Variants in GPHN observed in about 807,000 individuals in gnomAD.
GPHN encodes gephyrin.
A neutral mutation model predicts 95.5 loss-of-function variants in GPHN; 17 were observed. That is an observed-to-expected ratio of 0.18 (90% CI 0.12 to 0.27). GPHN has a LOEUF of 0.27. Among genes scored for constraint, GPHN ranks in the 10% least tolerant of loss-of-function variants. The probability of loss-of-function intolerance (pLI) is 1.00; values close to 1 mark genes in which losing one functional copy is unlikely to be tolerated. For synonymous variants in GPHN, 320 were observed against 322.5 expected (o/e 0.99, Z 0.08); for missense variants, 660 against 978.1 (o/e 0.67, Z 4.34).
chr14:67,204,470 T>A, the GPHN span: 83 of 1,469,082 alleles, frequency 5.6e-5, 1 homozygote, highest in South Asian at 1.2e-3. Flanking sequence ...TATATATATA[T>A]AAGAAAGGCC....
chr14:66,508,515 T>A lies in GPHN; in HGVS notation c.-13T>A. On this transcript the variant is annotated 5_prime_UTR_variant, in exon 1 of 23. Transcript: ENST00000478722. Reference sequence around the variant, plus strand: ...TCCCGGCTCCTGTCAGTGCGGTGACTGCGCTGGGAAACATGGCGACCGAGG... The same window carrying A: ...TCCCGGCTCCTGTCAGTGCGGTGACAGCGCTGGGAAACATGGCGACCGAGG... The A allele has an allele frequency of 3.7e-6, 6 of 1,613,666 alleles. No homozygotes were observed. The highest frequency in any genetic ancestry group is 5.1e-6 in the Non-Finnish European group (6 of 1,179,610).
At chr14:66,741,931 G>A (rs914017731) in intron 2 of GPHN, among the ~76,000 whole-genome samples, 3 of 152,108 alleles carry the variant, frequency 2.0e-5, no homozygotes, top group South Asian at 2.1e-4. Flanking sequence ...CCACCTTACT[G>A]TCCTTTCTCC....
the GPHN span, among the ~76,000 whole-genome samples, chr14:67,239,656 G>A: frequency 1.3e-5 from 2 of 152,194 alleles, no homozygotes; most frequent in Non-Finnish European, 1.5e-5. Context: ...AGGTGTTCAA[G>A]ACCAGCTTGG....
At chr14:66,778,699 T>C (rs151322444) in intron 3 of GPHN, among the ~76,000 whole-genome samples, 61 of 150,804 alleles carry the variant, frequency 4.0e-4, no homozygotes, top group African/African-American at 1.3e-3. Flanking sequence ...AATAATTATT[T>C]AATTCTATGA....
the GPHN span, among the ~76,000 whole-genome samples, chr14:67,528,934 T>G: frequency 6.6e-6 from 1 of 152,000 alleles, no homozygotes; most frequent in African/African-American, 2.4e-5. Flanking sequence ...AGACATGAGG[T>G]TAGATTTGGA....
At chr14:67,400,755 A>G in the GPHN span, among the ~76,000 whole-genome samples, 1 of 152,162 alleles carries the variant, frequency 6.6e-6, no homozygotes, top group Non-Finnish European at 1.5e-5. Context: ...CGGGAGGCCA[A>G]GGTAGGAGGA....
the GPHN span, chr14:67,270,736 TAGG>T: frequency 6.6e-6 from 1 of 152,146 alleles, no homozygotes; most frequent in Non-Finnish European, 1.5e-5. Context: ...GCTAAAACTA[TAGG>T]ATACAGTATA....
chr14:67,134,172 A>C (rs1478235604), intron 17 of GPHN, among the ~76,000 whole-genome samples: 2 of 152,192 alleles, frequency 1.3e-5, no homozygotes, highest in Non-Finnish European at 2.9e-5. Flanking sequence ...ATCTGCAACA[A>C]CTTAGCTGTT....
chr14:67,583,898 AGGTCTTGC>A, the GPHN span: 2 of 1,612,604 alleles, frequency 1.2e-6, no homozygotes, highest in South Asian at 2.2e-5. Flanking sequence ...GTAGGCTACA[AGGTCTTGC>A]AGCAAGTCAC....
At chr14:66,974,729 G>T (rs190716458) in intron 9 of GPHN, among the ~76,000 whole-genome samples, 68 of 152,128 alleles carry the variant, frequency 4.5e-4, no homozygotes, top group Middle Eastern at 3.4e-3. Context: ...AATAACCACT[G>T]TTAAAATTTT....
intron 2 of GPHN, among the ~76,000 whole-genome samples, chr14:66,766,293 G>A (rs1384086710): frequency 1.3e-5 from 2 of 152,164 alleles, no homozygotes; most frequent in Non-Finnish European, 2.9e-5. Flanking sequence ...TTCAGGAGGT[G>A]CATGGGACTA....
At chr14:67,646,276 T>TGGCA in the GPHN span, among the ~76,000 whole-genome samples, 6 of 152,216 alleles carry the variant, frequency 3.9e-5, no homozygotes, top group Admixed American at 3.9e-4. Flanking sequence ...TGTCGGCTGT[T>TGGCA]GGCAACTTGA....
chr14:67,323,796 A>G, the GPHN span: 8 of 1,574,376 alleles, frequency 5.1e-6, no homozygotes, highest in Admixed American at 3.6e-5. Context: ...TTGGCCAAAG[A>G]AGGCAAGAAT....
chr14:67,012,477 T>G lies in GPHN; in HGVS notation c.964-11156T>G, dbSNP rs546265970. ...CCGTGTGTCTTTTTATTACCAATCT[T>G]TGGCCTTTCTGACCAATTACAACAG... On this transcript the variant is annotated intron_variant, in intron 9 of 22. Coordinates refer to ENST00000478722, the MANE Select transcript of GPHN (RefSeq NM_020806.5). Among the ~76,000 whole-genome samples the G allele has an allele frequency of 1.3e-4, 20 of 152,288 alleles. No homozygotes were observed. The South Asian group carries it at 1.9e-3, about 14-fold the overall frequency.
the GPHN span, chr14:67,359,779 T>G: frequency 1.3e-6 from 2 of 1,529,630 alleles, no homozygotes; most frequent in Non-Finnish European, 1.8e-6. Context: ...CCACAGTGTC[T>G]TCCTCTACGG....
chr14:66,900,040 A>T (rs951340856), intron 5 of GPHN, among the ~76,000 whole-genome samples: 1 of 152,092 alleles, frequency 6.6e-6, no homozygotes, highest in Non-Finnish European at 1.5e-5. Context: ...TAATTTATGT[A>T]TATAGATTTG....
chr14:67,129,772 A>AGAG (rs1567375937), intron 17 of GPHN, among the ~76,000 whole-genome samples: 6 of 149,124 alleles, frequency 4.0e-5, no homozygotes, highest in African/African-American at 1.2e-4. Context: ...GAAAGAAAGA[A>AGAG]AGAGAGAAAG....
At chr14:67,364,577 A>C in the GPHN span, 3 of 543,050 alleles carry the variant, frequency 5.5e-6, no homozygotes, top group Non-Finnish European at 9.3e-6. Flanking sequence ...GCAAAATAAA[A>C]ATTAAAGCTT....
chr14:67,346,680 G>A, the GPHN span, among the ~76,000 whole-genome samples: 2 of 152,172 alleles, frequency 1.3e-5, no homozygotes, highest in African/African-American at 4.8e-5. Context: ...TGTCAAACTA[G>A]GAATGGAATG....
Sources: gnomAD v4.1 joint callset for allele counts (sites outside exome capture counted in the v4.1 genomes callset) on GRCh38, gnomAD v4.1.1 for gene constraint, MANE v1.5 for transcripts, NCBI Gene and HGNC (gene_info 2026-07-23, HGNC 2026-07-21) for gene names.